Variants in GTF2IRD2B observed in about 807,000 individuals in gnomAD.
The protein encoded by GTF2IRD2B is GTF2I repeat domain containing 2B, also known as general transcription factor II-I repeat domain-containing protein 2B.
GTF2IRD2B carries 10 observed loss-of-function variants against 55.6 expected under a neutral mutation model. That is an observed-to-expected ratio of 0.18 (90% CI 0.11 to 0.31). The LOEUF is 0.31. Ranked by LOEUF, GTF2IRD2B falls within the 10% of genes least tolerant of loss-of-function variation. The probability of loss-of-function intolerance (pLI) is 1.00; values close to 1 mark genes in which losing one functional copy is unlikely to be tolerated. For synonymous variants in GTF2IRD2B, 107 were observed against 320.5 expected (o/e 0.33, Z 7.12); for missense variants, 206 against 802.7 (o/e 0.26, Z 8.98).
At chr7:75,115,270 A>G (rs373342871) in intron 3 of GTF2IRD2B, among the ~76,000 whole-genome samples, 1 of 150,086 alleles carries the variant, frequency 6.7e-6, no homozygotes. Flanking sequence ...TCCCTACTCT[A>G]TTCCGTAGAT....
chr7:75,097,739 G>T (rs1807429604), intron 1 of GTF2IRD2B, among the ~76,000 whole-genome samples: 1 of 133,078 alleles, frequency 7.5e-6, no homozygotes, highest in Non-Finnish European at 1.6e-5. Context: ...ATGTGACTGT[G>T]TTCTGACAAA....
Position 75,101,298 on chromosome 7 carries a change from G to A in GTF2IRD2B, c.-5-7662G>A, listed in dbSNP as rs1554422052. ...GAAGTGTACAGTTCAGGCTGTACAC[G>A]GAGGCTCATGCCTGTAATCCCAACA... On this transcript the variant is annotated intron_variant, in intron 1 of 15. Transcript: ENST00000472837. 2.0e-5 allele frequency among the ~76,000 whole-genome samples: 3 copies of A among 150,810 alleles called. 1 individual carries two copies. The highest frequency in any genetic ancestry group is 1.5e-5 in the Non-Finnish European group (1 of 67,648).
chr7:75,149,724 A>G lies in GTF2IRD2B; in HGVS notation c.*427A>G, dbSNP rs7384513. The stretch of plus-strand genomic sequence containing the variant: ...TTTTTTTTTTTTCAGTTTTTTTTCC[A>G]CTTTGAATCAGAAATATAATCTGCA... On this transcript the variant is annotated 3_prime_UTR_variant, in exon 16 of 16. Transcript: ENST00000472837. 1.0e-5 allele frequency: 2 copies of G among 195,450 alleles called. No individual in the cohort carries two copies. Among genetic ancestry groups the G allele is most frequent in the African/African-American group, 5.3e-5 (2 of 37,814 alleles). The allele number at this position is 195,450 out of a possible 1,614,324, so 12.1% of individuals were successfully genotyped here.
At chr7:75,104,279 T>A (rs1554449875) in intron 1 of GTF2IRD2B, among the ~76,000 whole-genome samples, 1 of 151,840 alleles carries the variant, frequency 6.6e-6, no homozygotes, top group Non-Finnish European at 1.5e-5. Flanking sequence ...TCTGCCACCA[T>A]GCCCAGCTAA....
chr7:75,139,560 G>A (rs1808954881), intron 12 of GTF2IRD2B, among the ~76,000 whole-genome samples: 1 of 119,018 alleles, frequency 8.4e-6, no homozygotes, highest in Non-Finnish European at 1.7e-5. Flanking sequence ...CGTGAACCTG[G>A]GAGGTGGAGC....
intron 1 of GTF2IRD2B, among the ~76,000 whole-genome samples, chr7:75,104,878 G>T (rs1193602636): frequency 1.3e-5 from 2 of 152,292 alleles, no homozygotes; most frequent in Non-Finnish European, 2.9e-5. Context: ...CAGCTCTGTT[G>T]CCAGAACAGA....
chr7:75,101,152 C>T (rs1270015681), intron 1 of GTF2IRD2B, among the ~76,000 whole-genome samples: 2 of 101,250 alleles, frequency 2.0e-5, no homozygotes, highest in East Asian at 3.0e-4. Flanking sequence ...GAGCTGAGAT[C>T]GTGCCACTGC....
At chr7:75,112,194 C>A (rs1295654535) in intron 2 of GTF2IRD2B, among the ~76,000 whole-genome samples, 3 of 11,488 alleles carry the variant, frequency 2.6e-4, no homozygotes, top group Admixed American at 1.8e-3. Flanking sequence ...GACATGAACC[C>A]GGGAGGCGGA....
chr7:75,101,757 G>A (rs1554422003), intron 1 of GTF2IRD2B, among the ~76,000 whole-genome samples: 2 of 147,162 alleles, frequency 1.4e-5, no homozygotes, highest in Non-Finnish European at 3.0e-5. Flanking sequence ...AGCTGGGCAT[G>A]GTGGTGCACG....
chr7:75,121,780 A>G (rs1808379379), intron 4 of GTF2IRD2B, among the ~76,000 whole-genome samples: 1 of 115,324 alleles, frequency 8.7e-6, no homozygotes. Context: ...TTTTTTTTTG[A>G]GGCAGAGTCT....
chr7:75,147,791 CAT>C lies in GTF2IRD2B; in HGVS notation c.1347_1348del (p.Ile449MetfsTer12), dbSNP rs1554454446. 9.1e-7 allele frequency: 1 copy of C among 1,097,320 alleles called. No individual in the cohort carries two copies. The highest frequency in any genetic ancestry group is 1.7e-5 in the Admixed American group (1 of 58,950). The allele number at this position is 1,097,320 out of a possible 1,614,324, so 68.0% of individuals were successfully genotyped here. ...AAGTACAGAATATTCCAACATGTCT[CAT>C]ATGCAAACAAAGCATGTCTGTGTCC... is the stretch of plus-strand genomic sequence containing the variant. ...VEVQNIPTCL[I>X]CKQSMSVSKE... On this transcript the variant is annotated frameshift_variant, in exon 16 of 16. Coordinates refer to ENST00000472837, the MANE Select transcript of GTF2IRD2B (RefSeq NM_001003795.3). LOFTEE classifies it high-confidence loss of function.
chr7:75,148,212 A>C lies in GTF2IRD2B; in HGVS notation c.1765A>C (p.Thr589Pro). 2.5e-6 allele frequency: 4 copies of C among 1,613,866 alleles called. No homozygotes were observed. The highest frequency in any genetic ancestry group is 3.4e-6 in the Non-Finnish European group (4 of 1,179,858). Residue 589 changes from threonine to proline, a missense_variant, in exon 16 of 16, where the codon ACA becomes CCA. Thr to Pro is a conservative substitution (Grantham distance 38). Transcript: ENST00000472837. Reference sequence around the variant, plus strand: ...TCTGGACACGGTGCCCATGACGGGTACAAAATCTGGCAACGAGATCTTTTT... The same window carrying C: ...TCTGGACACGGTGCCCATGACGGGTCCAAAATCTGGCAACGAGATCTTTTT... Reference protein sequence around the residue: ...ELLDTVPMTGTKSGNEIFLRV... With the variant: ...ELLDTVPMTGPKSGNEIFLRV...
chr7:75,115,040 C>T (rs1478898388), intron 3 of GTF2IRD2B, among the ~76,000 whole-genome samples: 474 of 137,554 alleles, frequency 3.4e-3, no homozygotes, highest in Admixed American at 7.2e-3. Flanking sequence ...TCAGGTGATC[C>T]GCCTGCCTCT....
intron 1 of GTF2IRD2B, among the ~76,000 whole-genome samples, chr7:75,105,230 A>G (rs1306065574): frequency 1.4e-4 from 22 of 152,216 alleles, no homozygotes; most frequent in African/African-American, 5.1e-4. Flanking sequence ...CAGACCAGGC[A>G]TGGTGGCTCT....
intron 1 of GTF2IRD2B, among the ~76,000 whole-genome samples, chr7:75,096,525 C>T (rs1807384095): frequency 1.0e-5 from 1 of 97,906 alleles, no homozygotes; most frequent in East Asian, 2.6e-4. Context: ...CGGGTTCAAG[C>T]AATTCTCCCC....
At position 75,139,839 on chromosome 7, in the gene GTF2IRD2B, T is replaced by C. The variant is rs1808963608; in HGVS notation, c.949+812T>C. 7.3e-5 allele frequency among the ~76,000 whole-genome samples: 7 copies of C among 95,980 alleles called. 1 individual carries two copies. In the Admixed American group the frequency reaches 7.4e-4, roughly 10 times the overall value. The allele number at this position is 95,980 out of a possible 152,430, so 63.0% of individuals were successfully genotyped here. A position where few individuals can be genotyped will look rare whatever the true frequency, so the allele number is the denominator to read the frequency against. On this transcript the variant is annotated intron_variant, in intron 12 of 15. Coordinates refer to ENST00000472837, the MANE Select transcript of GTF2IRD2B (RefSeq NM_001003795.3). Reference sequence around the variant, plus strand: ...TTGAGCCATGTGATTGCTTTAGTTATTCAAAAGTAAATAAAGTTTTAAAGT... The same window carrying C: ...TTGAGCCATGTGATTGCTTTAGTTACTCAAAAGTAAATAAAGTTTTAAAGT...
intron 9 of GTF2IRD2B, among the ~76,000 whole-genome samples, chr7:75,133,700 G>A (rs1808739116): frequency 6.7e-6 from 1 of 148,456 alleles, no homozygotes; most frequent in Non-Finnish European, 1.5e-5. Context: ...GTGCCACCAC[G>A]CCTGGCTAAT....
At chr7:75,092,968 G>C (rs1429152937) in intron 1 of GTF2IRD2B, among the ~76,000 whole-genome samples, 1 of 152,186 alleles carries the variant, frequency 6.6e-6, no homozygotes, top group African/African-American at 2.4e-5. Flanking sequence ...GTGTGAGGGT[G>C]GGGGCGGGGA....
chr7:75,112,758 T>C (rs1808016056), intron 3 of GTF2IRD2B: 1 of 594,478 alleles, frequency 1.7e-6, no homozygotes, highest in South Asian at 2.0e-5. Flanking sequence ...TCTGGTTTAT[T>C]AGAATAAATT....
Sources: allele counts gnomAD v4.1 joint callset (sites outside exome capture counted in the v4.1 genomes callset), GRCh38; gene constraint gnomAD v4.1.1; transcripts MANE v1.5; gene names NCBI Gene and HGNC (gene_info 2026-07-23, HGNC 2026-07-21).